The following REDIC1 variants were observed in gnomAD, a reference collection of about 807,000 sequenced individuals.
REDIC1 encodes the protein regulator of DNA class I crossover intermediates 1.
chr12:39,756,880 A>C, the REDIC1 span: 20 of 151,682 alleles, frequency 1.3e-4, no homozygotes, highest in Admixed American at 2.0e-4. Flanking sequence ...ATGAAAAAAT[A>C]GTCGGTATTC....
the REDIC1 span, among the ~76,000 whole-genome samples, chr12:39,717,782 A>T: frequency 6.6e-6 from 1 of 152,080 alleles, no homozygotes; most frequent in Non-Finnish European, 1.5e-5. Flanking sequence ...AGTAATCAAC[A>T]CTTCTGCCAG....
chr12:39,733,767 C>T, the REDIC1 span, among the ~76,000 whole-genome samples: 1 of 152,192 alleles, frequency 6.6e-6, no homozygotes, highest in African/African-American at 2.4e-5. Context: ...CAAGCTGGAG[C>T]ATCCCAGGTT....
chr12:39,715,843 G>T, the REDIC1 span, among the ~76,000 whole-genome samples: 2 of 151,836 alleles, frequency 1.3e-5, no homozygotes, highest in African/African-American at 4.8e-5. Flanking sequence ...ACCTTATTGG[G>T]GTGAAATGCC....
chr12:39,740,368 C>T, the REDIC1 span, among the ~76,000 whole-genome samples: 1 of 152,046 alleles, frequency 6.6e-6, no homozygotes, highest in Non-Finnish European at 1.5e-5. Flanking sequence ...AATCTTCTTT[C>T]CTATGGTGAA....
At chr12:39,889,245 C>A in the REDIC1 span, among the ~76,000 whole-genome samples, 1 of 152,118 alleles carries the variant, frequency 6.6e-6, no homozygotes, top group East Asian at 1.9e-4. Flanking sequence ...TCAGTTAAAA[C>A]CCCAAATTTG....
chr12:39,903,762 T>C, the REDIC1 span, among the ~76,000 whole-genome samples: 1 of 152,092 alleles, frequency 6.6e-6, no homozygotes, highest in Non-Finnish European at 1.5e-5. Flanking sequence ...GCTCTATTCC[T>C]AGATTGTTCA....
the REDIC1 span, among the ~76,000 whole-genome samples, chr12:39,711,509 GTGTATATA>G: frequency 7.3e-6 from 1 of 136,362 alleles, no homozygotes; most frequent in Non-Finnish European, 1.6e-5. Flanking sequence ...ATGTATATAT[GTGTATATA>G]TGTGTATATG....
chr12:39,853,169 G>A, the REDIC1 span, among the ~76,000 whole-genome samples: 13 of 152,130 alleles, frequency 8.5e-5, no homozygotes, highest in African/African-American at 2.9e-4. Flanking sequence ...GCCTAGTTAC[G>A]CTCACAAAGA....
chr12:39,823,082 G>A, the REDIC1 span, among the ~76,000 whole-genome samples: 1 of 152,110 alleles, frequency 6.6e-6, no homozygotes. Context: ...AATTATTTAT[G>A]GGTAGATGAA....
At chr12:39,788,270 T>C in the REDIC1 span, among the ~76,000 whole-genome samples, 1 of 152,086 alleles carries the variant, frequency 6.6e-6, no homozygotes, top group Non-Finnish European at 1.5e-5. Context: ...TAACTAATAA[T>C]AAAATAAAAA....
chr12:39,848,717 C>T, the REDIC1 span, among the ~76,000 whole-genome samples: 2 of 152,250 alleles, frequency 1.3e-5, no homozygotes, highest in Middle Eastern at 3.4e-3. Flanking sequence ...AAGACACATG[C>T]ATGGGAATGT....
the REDIC1 span, among the ~76,000 whole-genome samples, chr12:39,863,619 CA>C: frequency 6.6e-6 from 1 of 152,040 alleles, no homozygotes; most frequent in Admixed American, 6.5e-5. Flanking sequence ...GGCAGATGTC[CA>C]AATAAAGATG....
chr12:39,642,814 G>A, the REDIC1 span, among the ~76,000 whole-genome samples: 3 of 151,584 alleles, frequency 2.0e-5, no homozygotes, highest in Admixed American at 2.0e-4. Context: ...TGTAAAACAA[G>A]ACATTTACTT....
the REDIC1 span, among the ~76,000 whole-genome samples, chr12:39,789,692 C>T: frequency 3.9e-5 from 6 of 152,130 alleles, no homozygotes; most frequent in Admixed American, 1.3e-4. Flanking sequence ...GAACTCTATA[C>T]TACAACCTAG....
At chr12:39,746,364 C>CAG in the REDIC1 span, among the ~76,000 whole-genome samples, 1 of 152,172 alleles carries the variant, frequency 6.6e-6, no homozygotes, top group Non-Finnish European at 1.5e-5. Flanking sequence ...TGCAAGGCAG[C>CAG]AGTGAGGCTG....
the REDIC1 span, among the ~76,000 whole-genome samples, chr12:39,844,690 C>T: frequency 6.6e-6 from 1 of 152,050 alleles, no homozygotes; most frequent in Non-Finnish European, 1.5e-5. Flanking sequence ...TTCAATGCTA[C>T]TTCAAGTGGA....
chr12:39,842,803 C>G, the REDIC1 span, among the ~76,000 whole-genome samples: 1 of 151,946 alleles, frequency 6.6e-6, no homozygotes, highest in Non-Finnish European at 1.5e-5. Context: ...CTGGCAACCA[C>G]GAATCTACTC....
the REDIC1 span, among the ~76,000 whole-genome samples, chr12:39,634,248 A>G: frequency 2.6e-5 from 4 of 152,078 alleles, no homozygotes; most frequent in Non-Finnish European, 5.9e-5. Context: ...TTATTGGTGT[A>G]TAGGAATGCT....
At chr12:39,719,117 T>C in the REDIC1 span, among the ~76,000 whole-genome samples, 20 of 152,134 alleles carry the variant, frequency 1.3e-4, no homozygotes, top group Non-Finnish European at 2.5e-4. Context: ...TTTGCTTGTG[T>C]ATATGTAAAC....
Sources: gnomAD v4.1 joint callset for allele counts (sites outside exome capture counted in the v4.1 genomes callset) on GRCh38, gnomAD v4.1.1 for gene constraint, MANE v1.5 for transcripts, NCBI Gene and HGNC (gene_info 2026-07-23, HGNC 2026-07-21) for gene names.